The following GRM8 variants were observed in gnomAD, a reference collection of about 807,000 sequenced individuals.
The protein encoded by GRM8 is metabotropic glutamate receptor 8.
Under a neutral mutation model 87.2 loss-of-function variants are expected in GRM8, and 47 were observed. The ratio of observed to expected loss-of-function variants is 0.54; its 90% confidence interval spans 0.43 to 0.69. The LOEUF (loss-of-function observed/expected upper bound fraction) is 0.69, where lower values mean the gene tolerates loss of function less well. Ranked by LOEUF, GRM8 falls within the 30% of genes least tolerant of loss-of-function variation. The probability of loss-of-function intolerance (pLI) is 0.00; values close to 1 mark genes in which losing one functional copy is unlikely to be tolerated. For missense variants in GRM8, 1,019 were observed against 1,139.2 expected (o/e 0.89, Z 1.52); for synonymous variants, 396 against 404.5 (o/e 0.98, Z 0.25).
chr7:127,134,431 T>C (rs958974191), intron 2 of GRM8, among the ~76,000 whole-genome samples: 5 of 152,222 alleles, frequency 3.3e-5, no homozygotes, highest in Non-Finnish European at 7.3e-5. Flanking sequence ...GTTAAATCAC[T>C]GTTACATGAA....
intron 7 of GRM8, among the ~76,000 whole-genome samples, chr7:126,695,839 T>C (rs1376657888): frequency 1.3e-5 from 2 of 152,124 alleles, no homozygotes; most frequent in Non-Finnish European, 2.9e-5. Flanking sequence ...GGGGACACAT[T>C]AGCACAAAAG....
intron 6 of GRM8, among the ~76,000 whole-genome samples, chr7:126,830,374 C>T (rs2130393126): frequency 6.6e-6 from 1 of 152,238 alleles, no homozygotes; most frequent in East Asian, 1.9e-4. Flanking sequence ...TCACATAGTC[C>T]CATATTTCGT....
chr7:126,673,945 C>T (rs1205022572), intron 7 of GRM8, among the ~76,000 whole-genome samples: 1 of 152,152 alleles, frequency 6.6e-6, no homozygotes, highest in Non-Finnish European at 1.5e-5. Context: ...ACTGATACTG[C>T]ACACTGACTT....
chr7:126,724,088 A>G (rs935619896), intron 7 of GRM8, among the ~76,000 whole-genome samples: 14 of 152,052 alleles, frequency 9.2e-5, no homozygotes, highest in Non-Finnish European at 7.3e-5. Flanking sequence ...CTGCTTGGAG[A>G]TATCGTGATT....
At chr7:127,226,802 G>C (rs11563678) in intron 2 of GRM8, among the ~76,000 whole-genome samples, 4 of 152,172 alleles carry the variant, frequency 2.6e-5, no homozygotes, top group African/African-American at 9.7e-5. Context: ...TCTGCTTTTT[G>C]CAGTAAAAAA....
At chr7:127,014,287 A>G (rs1815181507) in intron 3 of GRM8, among the ~76,000 whole-genome samples, 2 of 152,116 alleles carry the variant, frequency 1.3e-5, no homozygotes, top group African/African-American at 4.8e-5. Context: ...TTTATTATAT[A>G]ACCATGACCA....
intron 3 of GRM8, among the ~76,000 whole-genome samples, chr7:127,068,987 A>C (rs1004344899): frequency 1.3e-5 from 2 of 152,144 alleles, no homozygotes; most frequent in African/African-American, 4.8e-5. Flanking sequence ...CCAGAATTAT[A>C]GGGCTTCCCT....
rs1446533206 is a variant in GRM8, at chr7:126,904,191, C to T, written c.864-65G>A. 3 of 1,341,752 alleles carry T rather than the reference C, an allele frequency of 2.2e-6. No homozygotes were observed. In the South Asian group the frequency reaches 3.8e-5, roughly 17 times the overall value. 83.1% of individuals were successfully genotyped at this position (1,341,752 alleles called of 1,614,324 possible). A position where few individuals can be genotyped will look rare whatever the true frequency, so the allele number is the denominator to read the frequency against. ...AAAAATACCACAATTATGAATATTA[C>T]AAGACCAGATTTAGGAAGTTGTATA... is the stretch of plus-strand genomic sequence containing the variant. On this transcript the variant is annotated intron_variant, in intron 4 of 10. Transcript: ENST00000339582.
chr7:127,016,913 T>C (rs947137137), intron 3 of GRM8, among the ~76,000 whole-genome samples: 2 of 152,074 alleles, frequency 1.3e-5, no homozygotes, highest in Admixed American at 1.3e-4. Context: ...ATAGAGACAC[T>C]GCCTTATTCA....
intron 2 of GRM8, among the ~76,000 whole-genome samples, chr7:127,139,366 A>C (rs374455136): frequency 6.6e-6 from 1 of 152,146 alleles, no homozygotes; most frequent in Non-Finnish European, 1.5e-5. Context: ...AAACTATGAC[A>C]GTCACAGTAC....
At chr7:126,597,722 C>T (rs1278490248) in intron 8 of GRM8, among the ~76,000 whole-genome samples, 1 of 152,032 alleles carries the variant, frequency 6.6e-6, no homozygotes. Flanking sequence ...CACGTTATGT[C>T]TTTAAGCAGC....
intron 7 of GRM8, among the ~76,000 whole-genome samples, chr7:126,626,147 T>G (rs1800664907): frequency 6.7e-6 from 1 of 149,752 alleles, no homozygotes; most frequent in Non-Finnish European, 1.5e-5. Context: ...TGGTCCAACC[T>G]TTTCAAATTT....
intron 9 of GRM8, among the ~76,000 whole-genome samples, chr7:126,526,542 A>G (rs926874888): frequency 1.6e-4 from 24 of 152,346 alleles, no homozygotes; most frequent in African/African-American, 5.8e-4. Context: ...GTCACTAATA[A>G]TCAACACTTA....
intron 6 of GRM8, among the ~76,000 whole-genome samples, chr7:126,811,884 C>T (rs1172338243): frequency 1.3e-4 from 19 of 151,788 alleles, no homozygotes; most frequent in Admixed American, 1.2e-3. Flanking sequence ...TGGCTAGGAC[C>T]TCCAGTACTA....
chr7:127,202,972 T>C (rs1446962878), intron 2 of GRM8, among the ~76,000 whole-genome samples: 1 of 152,188 alleles, frequency 6.6e-6, no homozygotes, highest in African/African-American at 2.4e-5. Flanking sequence ...CCTAACTACG[T>C]AGACAATTTC....
chr7:126,798,529 G>A (rs1822248516), intron 6 of GRM8, among the ~76,000 whole-genome samples: 1 of 152,128 alleles, frequency 6.6e-6, no homozygotes, highest in Non-Finnish European at 1.5e-5. Flanking sequence ...TAATGACAGG[G>A]ATGGGCCAGT....
At chr7:127,175,213 A>T (rs947579072) in intron 2 of GRM8, among the ~76,000 whole-genome samples, 1 of 152,190 alleles carries the variant, frequency 6.6e-6, no homozygotes, top group African/African-American at 2.4e-5. Flanking sequence ...TAGAGATCAA[A>T]CACTAACAGA....
intron 6 of GRM8, among the ~76,000 whole-genome samples, chr7:126,900,087 T>C (rs1335458278): frequency 1.3e-5 from 2 of 152,126 alleles, no homozygotes; most frequent in Non-Finnish European, 2.9e-5. Context: ...TCCTCATCTT[T>C]TCTCAGTCTC....
chr7:126,579,375 T>C (rs969071383), intron 8 of GRM8, among the ~76,000 whole-genome samples: 2 of 152,192 alleles, frequency 1.3e-5, no homozygotes, highest in African/African-American at 2.4e-5. Context: ...TATTTTCACA[T>C]AAAAAAATTC....
Sources: allele counts gnomAD v4.1 joint callset (sites outside exome capture counted in the v4.1 genomes callset), GRCh38; gene constraint gnomAD v4.1.1; transcripts MANE v1.5; gene names NCBI Gene and HGNC (gene_info 2026-07-23, HGNC 2026-07-21).